The following SLC44A5 variants were observed in gnomAD, a reference collection of about 807,000 sequenced individuals.
SLC44A5 encodes the protein choline transporter-like protein 5.
Under a neutral mutation model 101.8 loss-of-function variants are expected in SLC44A5, and 57 were observed. That is an observed-to-expected ratio of 0.56 (90% CI 0.45 to 0.70). SLC44A5 has a LOEUF of 0.70. Among genes scored for constraint, SLC44A5 ranks in the 30% least tolerant of loss-of-function variants. The pLI, the probability that SLC44A5 is intolerant of heterozygous loss-of-function variation, is 0.00. For missense variants in SLC44A5, 737 were observed against 853.1 expected, an observed-to-expected ratio of 0.86 and a Z score of 1.70; for synonymous variants, 281 against 290.9, an observed-to-expected ratio of 0.97 and a Z score of 0.35.
intron 5 of SLC44A5, among the ~76,000 whole-genome samples, chr1:75,300,108 T>C (rs1002595058): frequency 8.6e-6 from 1 of 116,850 alleles, no homozygotes; most frequent in African/African-American, 3.1e-5. Context: ...AACCTAACAA[T>C]AAATAACAGA....
chr1:75,348,696 A>G (rs922615787), intron 3 of SLC44A5, among the ~76,000 whole-genome samples: 10 of 152,250 alleles, frequency 6.6e-5, no homozygotes, highest in Non-Finnish European at 1.5e-5. Context: ...AAAAAGCTAC[A>G]TCAGGAAACA....
At chr1:75,374,388 T>A (rs1410832076) in intron 3 of SLC44A5, among the ~76,000 whole-genome samples, 1 of 152,160 alleles carries the variant, frequency 6.6e-6, no homozygotes, top group African/African-American at 2.4e-5. Context: ...CAGGGAATTG[T>A]GGGTCTCCTG....
intron 2 of SLC44A5, among the ~76,000 whole-genome samples, chr1:75,516,643 T>C (rs1557865993): frequency 6.6e-6 from 1 of 152,270 alleles, no homozygotes; most frequent in South Asian, 2.1e-4. Context: ...AGAATGAATC[T>C]AAGTTCTATG....
At chr1:75,424,546 C>T (rs977628825) in intron 2 of SLC44A5, among the ~76,000 whole-genome samples, 29 of 152,196 alleles carry the variant, frequency 1.9e-4, no homozygotes, top group African/African-American at 6.8e-4. Flanking sequence ...CTCAAGTGAT[C>T]TGCCCGCCTC....
intron 2 of SLC44A5, among the ~76,000 whole-genome samples, chr1:75,516,346 C>T (rs945879562): frequency 6.6e-6 from 1 of 152,114 alleles, no homozygotes; most frequent in East Asian, 1.9e-4. Flanking sequence ...AACCCTGTCT[C>T]TACTAAAAAT....
intron 1 of SLC44A5, among the ~76,000 whole-genome samples, chr1:75,548,871 T>A (rs1289987993): frequency 1.3e-5 from 2 of 152,112 alleles, no homozygotes; most frequent in African/African-American, 4.8e-5. Flanking sequence ...GGATAAAATG[T>A]TAATTAAGAG....
the SLC44A5 span, among the ~76,000 whole-genome samples, chr1:75,691,987 A>G: frequency 2.0e-5 from 3 of 152,192 alleles, no homozygotes; most frequent in African/African-American, 7.2e-5. Context: ...AGCATGCTTC[A>G]TTGTCTCATT....
intron 2 of SLC44A5, among the ~76,000 whole-genome samples, chr1:75,458,425 A>AG (rs1396740088): frequency 6.6e-6 from 1 of 152,210 alleles, no homozygotes; most frequent in African/African-American, 2.4e-5. Context: ...AGTTTCAATT[A>AG]GGAAAAAACA....
intron 1 of SLC44A5, among the ~76,000 whole-genome samples, chr1:75,568,044 G>A (rs114517646): frequency 0.032 from 4,813 of 152,242 alleles, 99 homozygotes; most frequent in Middle Eastern, 0.048. Flanking sequence ...GCTAACTTAT[G>A]TATTGGTGCC....
intron 23 of SLC44A5, among the ~76,000 whole-genome samples, chr1:75,209,611 T>C (rs915063729): frequency 2.6e-5 from 4 of 152,206 alleles, no homozygotes; most frequent in African/African-American, 9.6e-5. Context: ...TAAAGTTCTC[T>C]TGAATTCTTT....
intron 2 of SLC44A5, among the ~76,000 whole-genome samples, chr1:75,475,866 T>C (rs1389301512): frequency 6.6e-6 from 1 of 152,198 alleles, no homozygotes; most frequent in Non-Finnish European, 1.5e-5. Context: ...AATTTCTTCA[T>C]CTGTAAAATG....
At chr1:75,616,168 C>T in the SLC44A5 span, among the ~76,000 whole-genome samples, 1 of 151,752 alleles carries the variant, frequency 6.6e-6, no homozygotes, top group Non-Finnish European at 1.5e-5. Context: ...GCTGCTCCTG[C>T]TGCTGGAGGG....
At chr1:75,553,361 A>C (rs1672046473) in intron 1 of SLC44A5, among the ~76,000 whole-genome samples, 1 of 152,142 alleles carries the variant, frequency 6.6e-6, no homozygotes, top group African/African-American at 2.4e-5. Flanking sequence ...CAGCTGCCAC[A>C]ACCATTTTAA....
intron 4 of SLC44A5, among the ~76,000 whole-genome samples, chr1:75,302,266 C>T (rs1654548882): frequency 6.6e-6 from 1 of 150,838 alleles, no homozygotes; most frequent in Non-Finnish European, 1.5e-5. Flanking sequence ...ACCTCAACAC[C>T]GAATAGAAAA....
At chr1:75,596,162 T>C (rs1674619717) in intron 1 of SLC44A5, among the ~76,000 whole-genome samples, 2 of 151,846 alleles carry the variant, frequency 1.3e-5, no homozygotes, top group African/African-American at 4.8e-5. Flanking sequence ...GATACTGAGT[T>C]TCTTCAAACT....
At chr1:75,579,168 GAAA>G (rs944156769) in intron 1 of SLC44A5, among the ~76,000 whole-genome samples, 4 of 152,176 alleles carry the variant, frequency 2.6e-5, no homozygotes, top group Admixed American at 1.3e-4. Flanking sequence ...AATTAAACAG[GAAA>G]AGGAGTTAGT....
the SLC44A5 span, among the ~76,000 whole-genome samples, chr1:75,688,993 G>A: frequency 4.6e-5 from 7 of 152,110 alleles, no homozygotes; most frequent in Admixed American, 4.6e-4. Context: ...ACACCAATTG[G>A]TTTACTCTAT....
At chr1:75,483,741 T>C (rs1373207134) in intron 2 of SLC44A5, among the ~76,000 whole-genome samples, 1 of 152,216 alleles carries the variant, frequency 6.6e-6, no homozygotes, top group Admixed American at 6.5e-5. Flanking sequence ...TCCATTTTCA[T>C]ACTGCTATAA....
chr1:75,515,119 G>A (rs182850851), intron 2 of SLC44A5, among the ~76,000 whole-genome samples: 9 of 151,910 alleles, frequency 5.9e-5, no homozygotes, highest in South Asian at 2.1e-4. Flanking sequence ...TATTTTCTCC[G>A]TTTTTGGTTA....
Sources: gnomAD v4.1 joint callset for allele counts (sites outside exome capture counted in the v4.1 genomes callset) on GRCh38, gnomAD v4.1.1 for gene constraint, MANE v1.5 for transcripts, NCBI Gene and HGNC (gene_info 2026-07-23, HGNC 2026-07-21) for gene names.